Variants in ANKS3 observed in about 807,000 individuals in gnomAD.
The protein encoded by ANKS3 is ankyrin repeat and SAM domain-containing protein 3.
In ANKS3, 62 loss-of-function variants were observed where a neutral mutation model predicts 80.7. That is an observed-to-expected ratio of 0.77 (90% CI 0.63 to 0.95). The LOEUF (loss-of-function observed/expected upper bound fraction) is 0.95. ANKS3 is among the 40% of genes least tolerant of loss of function. ANKS3 has a pLI of 0.00. For missense variants in ANKS3, 1,150 were observed against 883.6 expected (o/e 1.30, Z -3.82); for synonymous variants, 489 against 355.3 (o/e 1.38, Z -4.23).
At chr16:4,727,399 T>G (rs2081408824) in intron 3 of ANKS3, 2 of 597,246 alleles carry the variant, frequency 3.3e-6, no homozygotes, top group East Asian at 5.6e-5. Context: ...TTGCTCTGAT[T>G]TCGCATCCTC....
At chr16:4,720,153 C>A (rs554507241) in intron 6 of ANKS3, among the ~76,000 whole-genome samples, 14 of 120,472 alleles carry the variant, frequency 1.2e-4, no homozygotes, top group Admixed American at 4.5e-4. Context: ...CAGAGCAAGA[C>A]CCCACCCCAA....
chr16:4,696,908 A>T lies in ANKS3; in HGVS notation c.*12-12T>A, dbSNP rs1041609360. 1 of 1,008,314 alleles carries T rather than the reference A, an allele frequency of 9.9e-7. No homozygotes were observed. The highest frequency in any genetic ancestry group is 2.1e-5 in the Admixed American group (1 of 47,750). The allele number at this position is 1,008,314 out of a possible 1,614,324, so 62.5% of individuals were successfully genotyped here. A position where few individuals can be genotyped will look rare whatever the true frequency, so the allele number is the denominator to read the frequency against. On this transcript the variant is annotated splice_polypyrimidine_tract_variant and intron_variant, in intron 17 of 17. Transcript: ENST00000304283. ...CCCAACGTCAGATTCTGAAAGAAAAAGCCCCGGTGAGAAGGGAGGGGGACA... is the reference window on the plus strand; with the variant it reads ...CCCAACGTCAGATTCTGAAAGAAAATGCCCCGGTGAGAAGGGAGGGGGACA...
intron 15 of ANKS3, 106 bp downstream of exon 15, chr16:4,697,871 G>A: frequency 9.2e-7 from 1 of 1,086,552 alleles, no homozygotes; most frequent in Non-Finnish European, 1.3e-6. Flanking sequence ...ACCTGGGAGA[G>A]TGGCTGCCGG....
chr16:4,732,142 GGCAA>G (rs1202988992), intron 1 of ANKS3, among the ~76,000 whole-genome samples: 1 of 151,878 alleles, frequency 6.6e-6, no homozygotes, highest in Admixed American at 6.6e-5. Flanking sequence ...GGTGCGGTGG[GGCAA>G]GCAAAGCCCT....
chr16:4,703,790 A>G (rs2080043654), intron 8 of ANKS3, among the ~76,000 whole-genome samples: 1 of 152,310 alleles, frequency 6.6e-6, no homozygotes, highest in South Asian at 2.1e-4. Flanking sequence ...GAAAACAAAA[A>G]TCCCCTGAAA....
intron 7 of ANKS3, among the ~76,000 whole-genome samples, chr16:4,709,063 T>G (rs1285392162): frequency 2.0e-5 from 3 of 151,730 alleles, no homozygotes; most frequent in Non-Finnish European, 4.4e-5. Context: ...CCCAGGAGTT[T>G]GAGACCAGCC....
chr16:4,720,254 G>A (rs2081019792), intron 6 of ANKS3, among the ~76,000 whole-genome samples: 1 of 147,980 alleles, frequency 6.8e-6, no homozygotes, highest in African/African-American at 2.5e-5. Context: ...ACAAGGTCAA[G>A]AGATTGAGAC....
intron 3 of ANKS3, among the ~76,000 whole-genome samples, chr16:4,728,713 C>T (rs950950940): frequency 4.6e-5 from 7 of 152,184 alleles, no homozygotes; most frequent in Non-Finnish European, 8.8e-5. Context: ...AACGCCTCCC[C>T]CTGCTCCTCT....
At chr16:4,711,737 A>AGG (rs1555470471) in intron 7 of ANKS3, among the ~76,000 whole-genome samples, 12 of 150,120 alleles carry the variant, frequency 8.0e-5, no homozygotes, top group African/African-American at 9.8e-5. Context: ...AAAAAAAAAA[A>AGG]GGGAGAAAAT....
chr16:4,719,375 T>A (rs181851783), intron 6 of ANKS3, among the ~76,000 whole-genome samples: 20 of 152,186 alleles, frequency 1.3e-4, no homozygotes, highest in Admixed American at 8.5e-4. Context: ...AGAGTACATA[T>A]CTCTTATGAT....
intron 6 of ANKS3, 161 bp from the exon 7 acceptor site, chr16:4,714,347 C>A (rs969391770): frequency 9.3e-7 from 1 of 1,075,604 alleles, no homozygotes; most frequent in South Asian, 1.6e-5. Flanking sequence ...CTTGTCTGCA[C>A]CGCAGCCACA....
chr16:4,722,319 A>T (rs1317694738), intron 6 of ANKS3, among the ~76,000 whole-genome samples: 3 of 149,546 alleles, frequency 2.0e-5, no homozygotes, highest in Admixed American at 6.7e-5. Context: ...AGTGGCTCAC[A>T]CCTGTAATCC....
chr16:4,732,292 GTCAGT>G (rs2081662334), intron 1 of ANKS3, among the ~76,000 whole-genome samples: 1 of 152,240 alleles, frequency 6.6e-6, no homozygotes, highest in Admixed American at 6.5e-5. Flanking sequence ...CGAGCTGAGG[GTCAGT>G]TCAGAGTCCC....
At chr16:4,711,210 T>G (rs1424546713) in intron 7 of ANKS3, among the ~76,000 whole-genome samples, 1 of 150,276 alleles carries the variant, frequency 6.7e-6, no homozygotes, top group Non-Finnish European at 1.5e-5. Flanking sequence ...TTCAAGGGAT[T>G]CTCCCACCTC....
chr16:4,707,121 A>C (rs577243617), intron 7 of ANKS3, among the ~76,000 whole-genome samples: 1 of 152,120 alleles, frequency 6.6e-6, no homozygotes, highest in African/African-American at 2.4e-5. Flanking sequence ...AGGCAGCAAT[A>C]AGCAAGGGAA....
At chr16:4,724,616 T>C (rs1353414295) in intron 6 of ANKS3, 134 bp downstream of exon 6, 3 of 848,874 alleles carry the variant, frequency 3.5e-6, no homozygotes, top group East Asian at 2.7e-5. Flanking sequence ...CGTCAATAGA[T>C]AATGAAAATG....
intron 2 of ANKS3, 86 bp from the exon 3 acceptor site, chr16:4,730,237 C>A: frequency 7.8e-7 from 1 of 1,282,276 alleles, no homozygotes; most frequent in Non-Finnish European, 1.0e-6. Context: ...TGCTACACCA[C>A]TGCACTAGCA....
intron 1 of ANKS3, among the ~76,000 whole-genome samples, chr16:4,731,782 T>C (rs1176078987): frequency 6.6e-6 from 1 of 151,676 alleles, no homozygotes; most frequent in Non-Finnish European, 1.5e-5. Context: ...TGGGGGGAAA[T>C]ATAACAGGCC....
intron 7 of ANKS3, among the ~76,000 whole-genome samples, chr16:4,708,814 C>T (rs571057610): frequency 1.3e-5 from 2 of 151,808 alleles, no homozygotes; most frequent in Non-Finnish European, 2.9e-5. Context: ...GGTGGGCACC[C>T]TGTAGTCCCA....
Sources: gnomAD v4.1 joint callset for allele counts (sites outside exome capture counted in the v4.1 genomes callset) on GRCh38, gnomAD v4.1.1 for gene constraint, MANE v1.5 for transcripts, NCBI Gene and HGNC (gene_info 2026-07-23, HGNC 2026-07-21) for gene names.